STOX1: variants seen among roughly 807,000 people sequenced by gnomAD.
STOX1 encodes storkhead-box protein 1.
STOX1 carries 57 observed loss-of-function variants against 74.8 expected under a neutral mutation model. That is an observed-to-expected ratio of 0.76 (90% CI 0.62 to 0.95). The LOEUF (loss-of-function observed/expected upper bound fraction) is 0.95. Ranked by LOEUF, STOX1 falls within the 40% of genes least tolerant of loss-of-function variation. STOX1 has a pLI of 0.00. For missense variants in STOX1, 1,010 were observed against 1,117.0 expected (o/e 0.90, Z 1.37); for synonymous variants, 375 against 401.3 (o/e 0.93, Z 0.78).
At chr10:68,838,599 T>TC (rs952900185) in intron 1 of STOX1, among the ~76,000 whole-genome samples, 20 of 152,160 alleles carry the variant, frequency 1.3e-4, no homozygotes, top group African/African-American at 4.6e-4. Context: ...GGGTAGGACT[T>TC]CCAGTAATAT....
At chr10:68,863,289 G>A (rs1011869209) in intron 1 of STOX1, among the ~76,000 whole-genome samples, 4 of 152,044 alleles carry the variant, frequency 2.6e-5, no homozygotes, top group Admixed American at 6.5e-5. Context: ...GAATACTCAC[G>A]GCAATGCTGA....
chr10:68,855,097 G>A (rs1840086374), intron 1 of STOX1, among the ~76,000 whole-genome samples: 1 of 149,480 alleles, frequency 6.7e-6, no homozygotes, highest in Non-Finnish European at 1.5e-5. Flanking sequence ...CAGCCTGGGT[G>A]ACAGAAAGAC....
chr10:68,851,095 C>T lies in STOX1; in HGVS notation c.310+23162C>T, dbSNP rs550772162. ...AAGCTGAGGGGAGGATCACTTGAGCCCAGGAGTTAGAGACCAGCCTGGGCA... is the reference window on the plus strand; with the variant it reads ...AAGCTGAGGGGAGGATCACTTGAGCTCAGGAGTTAGAGACCAGCCTGGGCA... On this transcript the variant is annotated intron_variant, in intron 1 of 3. Coordinates refer to ENST00000298596, the MANE Select transcript of STOX1 (RefSeq NM_152709.5). Among the ~76,000 whole-genome samples, 3 of 149,686 alleles carry T rather than the reference C, an allele frequency of 2.0e-5. No homozygotes were observed. The South Asian group carries it at 6.4e-4, about 32-fold the overall frequency.
intron 1 of STOX1, among the ~76,000 whole-genome samples, chr10:68,838,314 G>A (rs780171192): frequency 9.9e-5 from 15 of 151,970 alleles, no homozygotes; most frequent in Non-Finnish European, 1.6e-4. Flanking sequence ...TGATTCTTCC[G>A]TCTCGGCCTC....
At chr10:68,874,303 A>G (rs1039261747) in intron 1 of STOX1, among the ~76,000 whole-genome samples, 2 of 152,108 alleles carry the variant, frequency 1.3e-5, no homozygotes, top group Non-Finnish European at 2.9e-5. Context: ...GAAAAAATTA[A>G]GTACAAAACC....
At position 68,885,976 on chromosome 10, in the gene STOX1, A is replaced by G. The variant is rs763530672; in HGVS notation, c.2180A>G (p.Asp727Gly). ...DQALYQNEVE[D>G]DDGACSSLYL... ...GCCTTGTATCAGAATGAAGTGGAAGATGATGATGGTGCCTGTAGTTCATTA... is the reference window on the plus strand; with the variant it reads ...GCCTTGTATCAGAATGAAGTGGAAGGTGATGATGGTGCCTGTAGTTCATTA... Residue 727 changes from aspartate to glycine, a missense_variant, in exon 3 of 4, where the codon GAT (aspartate) becomes GGT (glycine). Coordinates refer to ENST00000298596, the MANE Select transcript of STOX1 (RefSeq NM_152709.5). 12 of 1,614,182 alleles carry G rather than the reference A, an allele frequency of 7.4e-6. No individual in the cohort carries two copies. In the South Asian group the frequency reaches 1.3e-4, roughly 18 times the overall value.
intron 1 of STOX1, among the ~76,000 whole-genome samples, chr10:68,830,394 G>A (rs1451618289): frequency 6.6e-6 from 1 of 152,120 alleles, no homozygotes; most frequent in Non-Finnish European, 1.5e-5. Flanking sequence ...TCAGGCTGGA[G>A]TGCAATGGTA....
intron 1 of STOX1, among the ~76,000 whole-genome samples, chr10:68,871,362 C>T (rs979319221): frequency 1.3e-5 from 2 of 152,182 alleles, no homozygotes; most frequent in Non-Finnish European, 2.9e-5. Flanking sequence ...TGAGACCCAA[C>T]TGATAGTCAA....
At chr10:68,888,872 G>T (rs1841032782) in intron 3 of STOX1, among the ~76,000 whole-genome samples, 1 of 123,352 alleles carries the variant, frequency 8.1e-6, no homozygotes, top group Non-Finnish European at 1.6e-5. Context: ...CAGGCTGGTT[G>T]GTCTCAAACT....
At chr10:68,864,531 A>G (rs1022269673) in intron 1 of STOX1, among the ~76,000 whole-genome samples, 1 of 152,212 alleles carries the variant, frequency 6.6e-6, no homozygotes, top group African/African-American at 2.4e-5. Flanking sequence ...GATCATATCC[A>G]TGTAATTTAA....
rs572192362 is a variant in STOX1 at position 68,854,353 on chromosome 10, G to A, written c.310+26420G>A. 5.2e-4 allele frequency among the ~76,000 whole-genome samples: 79 copies of A among 151,954 alleles called. 1 individual carries two copies. The highest frequency in any genetic ancestry group is 1.9e-3 in the African/African-American group (78 of 41,358). On this transcript the variant is annotated intron_variant, in intron 1 of 3. Coordinates refer to ENST00000298596, the MANE Select transcript of STOX1 (RefSeq NM_152709.5). ...GTCACCCAGGCTGGAGTCTATTGGT[G>A]CAATCACGGCTCACTGCATGCAGCC...
chr10:68,849,759 T>A (rs1457681941), intron 1 of STOX1, among the ~76,000 whole-genome samples: 3 of 152,198 alleles, frequency 2.0e-5, no homozygotes, highest in Non-Finnish European at 2.9e-5. Context: ...TCATCCTTGT[T>A]CTAGATTTTG....
rs1174464140 is a variant in STOX1, at chr10:68,884,714, A to G, written c.918A>G (p.Glu306=). The G allele has an allele frequency of 1.2e-6, 2 of 1,614,214 alleles. No homozygotes were observed. Among genetic ancestry groups the G allele is most frequent in the African/African-American group, 1.3e-5 (1 of 75,052 alleles). ...TKPLPYTRDK[E]KGKKFGFSLL... Reference sequence around the variant, plus strand: ...CTTTACCATACACAAGAGATAAAGAAAAAGGCAAGAAGTTTGGTTTTAGTC... The same window carrying G: ...CTTTACCATACACAAGAGATAAAGAGAAAGGCAAGAAGTTTGGTTTTAGTC... The change falls in exon 3 of 4, where the codon GAA becomes GAG. Residue 306 remains glutamate (E), a synonymous_variant. Coordinates refer to ENST00000298596, the MANE Select transcript of STOX1 (RefSeq NM_152709.5).
At chr10:68,884,124 A>C (rs939684070) in intron 2 of STOX1, 136 bp from the exon 3 acceptor site, 7 of 813,186 alleles carry the variant, frequency 8.6e-6, no homozygotes, top group Non-Finnish European at 1.4e-5. Flanking sequence ...CATCCCTGGC[A>C]TTTTAATCAC....
chr10:68,858,311 A>C (rs1054893739), intron 1 of STOX1, among the ~76,000 whole-genome samples: 4 of 152,116 alleles, frequency 2.6e-5, no homozygotes, highest in Non-Finnish European at 4.4e-5. Context: ...GAGATTTCTT[A>C]AGAGTTGCAA....
chr10:68,852,254 T>TTTTC (rs1197932760), intron 1 of STOX1, among the ~76,000 whole-genome samples: 1 of 139,448 alleles, frequency 7.2e-6, no homozygotes, highest in East Asian at 2.1e-4. Flanking sequence ...TACTGCTTTT[T>TTTTC]TTTTTTTTTT....
Position 68,836,121 on chromosome 10 carries a change from C to T in STOX1, c.310+8188C>T, listed in dbSNP as rs376931857. Reference sequence around the variant, plus strand: ...TCCTGACCTTGTGATCCACCTGCCTCGGCCTCCCAGAGTGCTGGGATTATG... The same window carrying T: ...TCCTGACCTTGTGATCCACCTGCCTTGGCCTCCCAGAGTGCTGGGATTATG... On this transcript the variant is annotated intron_variant, in intron 1 of 3. Transcript: ENST00000298596. 2.3e-4 allele frequency among the ~76,000 whole-genome samples: 35 copies of T among 152,346 alleles called. No individual in the cohort carries two copies. In the South Asian group the frequency reaches 6.4e-3, roughly 28 times the overall value.
intron 2 of STOX1, among the ~76,000 whole-genome samples, chr10:68,882,741 C>G (rs1443483501): frequency 6.6e-6 from 1 of 152,168 alleles, no homozygotes; most frequent in Non-Finnish European, 1.5e-5. Context: ...TCATGATCCA[C>G]CCGCCTTGGC....
chr10:68,859,548 T>C (rs1291430628), intron 1 of STOX1, among the ~76,000 whole-genome samples: 11 of 152,108 alleles, frequency 7.2e-5, no homozygotes, highest in Admixed American at 7.2e-4. Flanking sequence ...AGTTAATGTG[T>C]TGAAAATAAG....
Sources: allele counts gnomAD v4.1 joint callset (sites outside exome capture counted in the v4.1 genomes callset), GRCh38; gene constraint gnomAD v4.1.1; transcripts MANE v1.5; gene names NCBI Gene and HGNC (gene_info 2026-07-23, HGNC 2026-07-21).